Variants in MYZAP observed in about 807,000 individuals in gnomAD.
The protein encoded by MYZAP is myocardial zonula adherens protein.
MYZAP carries 66 observed loss-of-function variants against 69.4 expected under a neutral mutation model. The observed-to-expected ratio is 0.95, with a 90% CI of 0.78 to 1.17. MYZAP has a LOEUF of 1.17. Ranked by LOEUF, MYZAP falls within the 50% of genes most tolerant of loss-of-function variation. The pLI is 0.00. For missense variants in MYZAP, 611 were observed against 556.2 expected (o/e 1.10, Z -0.99); for synonymous variants, 256 against 205.9 (o/e 1.24, Z -2.09).
In MYZAP at chr15:57,684,321, C is replaced by A. The variant is rs1410275840; in HGVS notation, c.1305-81C>A. On this transcript the variant is annotated intron_variant, in intron 12 of 12. Transcript: ENST00000267853. ...TTTTTAAACACTTAAACACCATTTT[C>A]TAGAGTTGTCTTACCATGTGAAGCA... The A allele has an allele frequency of 4.7e-6, 4 of 859,394 alleles. No homozygotes were observed. In the Admixed American group the frequency reaches 8.5e-5, roughly 18 times the overall value. The allele number at this position is 859,394 out of a possible 1,614,324, so 53.2% of individuals were successfully genotyped here.
intron 10 of MYZAP, among the ~76,000 whole-genome samples, chr15:57,652,304 T>TATTAAAC (rs751286096): frequency 5.3e-5 from 8 of 152,210 alleles, no homozygotes; most frequent in Non-Finnish European, 1.0e-4. Context: ...TCTTCATGCT[T>TATTAAAC]ATTAAACTCT....
chr15:57,636,005 T>A (rs1461503154), intron 8 of MYZAP, among the ~76,000 whole-genome samples: 1 of 152,222 alleles, frequency 6.6e-6, no homozygotes, highest in East Asian at 1.9e-4. Flanking sequence ...TTCACAGGTG[T>A]TTACAAATGT....
chr15:57,629,272 T>G (rs1259707634), intron 5 of MYZAP, among the ~76,000 whole-genome samples: 4 of 152,168 alleles, frequency 2.6e-5, no homozygotes, highest in African/African-American at 7.2e-5. Context: ...CCTGGTCTTT[T>G]TCCCCCCAGT....
In MYZAP at chr15:57,684,213, T is replaced by C. The variant is rs140148460; in HGVS notation, c.1305-189T>C. Among the ~76,000 whole-genome samples, 21 of 152,296 alleles carry C rather than the reference T, an allele frequency of 1.4e-4. No homozygotes were observed. In the East Asian group the frequency reaches 3.9e-3, roughly 28 times the overall value. The stretch of plus-strand genomic sequence containing the variant: ...CCTTAGGGGTTAGGATTTCAAAATA[T>C]GAATTTGGGAAAACGTAAAGTCCAT... On this transcript the variant is annotated intron_variant, in intron 12 of 12. Coordinates refer to ENST00000267853, the MANE Select transcript of MYZAP (RefSeq NM_001018100.5).
intron 10 of MYZAP, chr15:57,648,581 C>G (rs2037567001): frequency 3.6e-6 from 2 of 553,152 alleles, no homozygotes; most frequent in Non-Finnish European, 4.6e-6. Flanking sequence ...AAATAAGTAG[C>G]TGGCAGTCTC....
intron 8 of MYZAP, among the ~76,000 whole-genome samples, chr15:57,634,352 G>T (rs1254393847): frequency 6.6e-6 from 1 of 152,148 alleles, no homozygotes; most frequent in Non-Finnish European, 1.5e-5. Flanking sequence ...AAGGATGGGT[G>T]ACCTTTAGCA....
At chr15:57,607,685 C>T (rs563747719) in intron 2 of MYZAP, among the ~76,000 whole-genome samples, 1 of 152,308 alleles carries the variant, frequency 6.6e-6, no homozygotes, top group African/African-American at 2.4e-5. Flanking sequence ...GGCGTGCAGT[C>T]TAAGTGCCTA....
At chr15:57,604,714 GC>G (rs1450432156) in intron 2 of MYZAP, among the ~76,000 whole-genome samples, 2 of 152,228 alleles carry the variant, frequency 1.3e-5, no homozygotes, top group South Asian at 2.1e-4. Flanking sequence ...AGCTGGCGGG[GC>G]TGGAACCTTT....
intron 2 of MYZAP, among the ~76,000 whole-genome samples, chr15:57,605,558 C>G (rs57780160): frequency 6.6e-6 from 1 of 152,150 alleles, no homozygotes; most frequent in Non-Finnish European, 1.5e-5. Flanking sequence ...TCTCCTTGCC[C>G]TCTCCTCCCC....
chr15:57,660,662 A>G (rs184679535), intron 10 of MYZAP, among the ~76,000 whole-genome samples: 1 of 152,280 alleles, frequency 6.6e-6, no homozygotes, highest in East Asian at 1.9e-4. Flanking sequence ...AATTTAATAT[A>G]CAGGATTTTT....
At chr15:57,655,607 A>G (rs1468332933) in intron 10 of MYZAP, among the ~76,000 whole-genome samples, 1 of 152,102 alleles carries the variant, frequency 6.6e-6, no homozygotes, top group African/African-American at 2.4e-5. Context: ...TGAAAAAAAA[A>G]AGCCATGATC....
chr15:57,665,869 T>C (rs1382956394), intron 11 of MYZAP, among the ~76,000 whole-genome samples: 2 of 152,214 alleles, frequency 1.3e-5, no homozygotes, highest in Non-Finnish European at 2.9e-5. Context: ...TATGTAACTC[T>C]GCAGTTATAC....
intron 12 of MYZAP, chr15:57,680,794 AG>A (rs1360820065): frequency 6.6e-6 from 1 of 152,238 alleles, no homozygotes; most frequent in African/African-American, 2.4e-5. Context: ...GCACGTAGTA[AG>A]TGCTTTAAAA....
intron 5 of MYZAP, among the ~76,000 whole-genome samples, chr15:57,626,880 A>G (rs1322395885): frequency 6.6e-6 from 1 of 152,098 alleles, no homozygotes; most frequent in Non-Finnish European, 1.5e-5. Context: ...TGCGATGCCC[A>G]TTTCTGGTGG....
chr15:57,660,217 G>A (rs1381032473), intron 10 of MYZAP, among the ~76,000 whole-genome samples: 1 of 152,076 alleles, frequency 6.6e-6, no homozygotes, highest in African/African-American at 2.4e-5. Context: ...TCCTAAAAAT[G>A]GAATTGCTGA....
In MYZAP at chr15:57,629,839, G is replaced by C; in HGVS notation, c.663G>C (p.Gln221His). The C allele has an allele frequency of 6.2e-7, 1 of 1,613,484 alleles. No homozygotes were observed. The highest frequency in any genetic ancestry group is 8.5e-7 in the Non-Finnish European group (1 of 1,179,854). ...TGGAGGTAGCGCAAGTTGAAAACCA[G>C]CTGCTAAAAATGAAGGTGGAGTATA... ...RQLEVAQVENQLLKMKVESSQ... is the reference protein window; with the variant it reads ...RQLEVAQVENHLLKMKVESSQ... Residue 221 changes from glutamine to histidine, a missense_variant, in exon 6 of 13, where the codon CAG becomes CAC. Transcript: ENST00000267853.
At chr15:57,636,013 T>G (rs1299010199) in intron 8 of MYZAP, among the ~76,000 whole-genome samples, 1 of 152,236 alleles carries the variant, frequency 6.6e-6, no homozygotes, top group Non-Finnish European at 1.5e-5. Context: ...TGTTTACAAA[T>G]GTAAGAAATA....
chr15:57,677,451 T>A (rs1484223290), intron 12 of MYZAP, among the ~76,000 whole-genome samples: 1 of 152,176 alleles, frequency 6.6e-6, no homozygotes, highest in Non-Finnish European at 1.5e-5. Context: ...CAGGCCTTCT[T>A]GAGTCTTGGT....
Position 57,675,033 on chromosome 15 carries a change from C to G in MYZAP, c.1269C>G (p.Thr423=), listed in dbSNP as rs1269559295. The G allele has an allele frequency of 6.2e-7, 1 of 1,613,446 alleles. No individual in the cohort carries two copies. The highest frequency in any genetic ancestry group is 1.7e-5 in the Admixed American group (1 of 60,004). Residue 423 remains threonine, a synonymous_variant, in exon 12 of 13, where the codon ACC becomes ACG. Coordinates refer to ENST00000267853, the MANE Select transcript of MYZAP (RefSeq NM_001018100.5). The stretch of plus-strand genomic sequence containing the variant: ...CCCAGGCCAAGACCGAAGTGGAAAC[C>G]AGAGAGATAGGAGTGGGCTGTGATC... ...TETQAKTEVE[T]REIGVGCDLL...
Sources: allele counts gnomAD v4.1 joint callset (sites outside exome capture counted in the v4.1 genomes callset), GRCh38; gene constraint gnomAD v4.1.1; transcripts MANE v1.5; gene names NCBI Gene and HGNC (gene_info 2026-07-23, HGNC 2026-07-21).